The following SPTBN2 variants were observed in gnomAD, a reference collection of about 807,000 sequenced individuals.
SPTBN2 encodes the protein spectrin beta chain, non-erythrocytic 2.
A neutral mutation model predicts 284.2 loss-of-function variants in SPTBN2; 107 were observed. The ratio of observed to expected loss-of-function variants is 0.38; its 90% CI spans 0.32 to 0.44. The LOEUF is 0.44. SPTBN2 is among the 20% of genes least tolerant of loss of function. SPTBN2 has a pLI of 1.00. For missense variants in SPTBN2, 2,569 were observed against 3,287.1 expected, an observed-to-expected ratio of 0.78 and a Z score of 5.34; for synonymous variants, 1,289 against 1,354.8, an observed-to-expected ratio of 0.95 and a Z score of 1.07.
intron 2 of SPTBN2, 22 bp downstream of exon 2, chr11:66,721,328 G>T: frequency 6.4e-7 from 1 of 1,554,936 alleles, no homozygotes; most frequent in South Asian, 1.1e-5. Context: ...CACCACCGGG[G>T]CCTTCTGTCT....
Position 66,700,720 on chromosome 11 carries a change from G to A in SPTBN2, c.3379C>T (p.Leu1127=), listed in dbSNP as rs1205348752. The change falls in exon 17 of 38, where the codon CTG becomes TTG. Residue 1127 remains leucine (L), a synonymous_variant. Transcript: ENST00000533211. This position sits in a 1 kb window ranked among gnomAD's most constrained non-coding sequence, Gnocchi z 6.6. The part of the protein sequence containing the change: ...AQSEYSRLRA[L]GEEVTRDQAD... Reference sequence around the variant, plus strand: ...TGGTCCCGGGTCACCTCCTCGCCCAGGGCTCGCAGCCGGCTATACTCGCTC... The same window carrying A: ...TGGTCCCGGGTCACCTCCTCGCCCAAGGCTCGCAGCCGGCTATACTCGCTC... 1 of 1,604,086 alleles carries A rather than the reference G, an allele frequency of 6.2e-7. No homozygotes were observed. The highest frequency in any genetic ancestry group is 8.5e-7 in the Non-Finnish European group (1 of 1,179,826).
At chr11:66,730,837 AC>A (rs1383240081), upstream of SPTBN2, among the ~76,000 whole-genome samples, 1 of 152,214 alleles carries the variant, frequency 6.6e-6, no homozygotes, top group Non-Finnish European at 1.5e-5. Context: ...CTATTGATGA[AC>A]AGACTGATGT....
chr11:66,737,532 G>A lies in SPTBN2; in HGVS notation c.-475+7010C>T, dbSNP rs148375146. Among the ~76,000 whole-genome samples the A allele has an allele frequency of 4.1e-3, 630 of 152,250 alleles. 4 individuals carry two copies. The highest frequency in any genetic ancestry group is 0.014 in the African/African-American group (595 of 41,524). On this transcript the variant is annotated intron_variant, in intron 1 of 37. Coordinates refer to the SPTBN2 transcript ENST00000611817. ...TCTGGGACCAATGGGTGGAAGACAT[G>A]GGGCAGAGAAAGGGAGTAGACTTTA...
Position 66,694,262 on chromosome 11 carries a change from C to T in SPTBN2, c.4380G>A (p.Glu1460=). ...AQEDQGAGEV[E]RTSRAVEEKF... The stretch of plus-strand genomic sequence containing the variant: ...TCTCCTCCACGGCCCTCGAGGTTCT[C>T]TCCACCTCCCCTGCACCCTGGTCCT... The change falls in exon 22 of 38, where the codon GAG becomes GAA. Residue 1460 remains glutamate (E), a synonymous_variant. Transcript: ENST00000533211. The T allele has an allele frequency of 6.2e-7, 1 of 1,614,226 alleles. No individual in the cohort carries two copies. Among genetic ancestry groups the T allele is most frequent in the Non-Finnish European group, 8.5e-7 (1 of 1,180,032 alleles).
At position 66,700,631 on chromosome 11, in the gene SPTBN2, C is replaced by T. The variant is rs749647878; in HGVS notation, c.3468G>A (p.Glu1156=). 3.0e-5 allele frequency: 48 copies of T among 1,608,110 alleles called. No individual in the cohort carries two copies. The highest frequency in any genetic ancestry group is 6.7e-5 in the Admixed American group (4 of 60,004). The change falls in exon 17 of 38, where the codon GAG becomes GAA. Residue 1156 remains glutamate, a synonymous_variant. Transcript: ENST00000533211. This position sits in a 1 kb window ranked among gnomAD's most constrained non-coding sequence, Gnocchi z 6.6. ...RLEALGTGWE[E]LGRMWESRQG... is the part of the protein sequence containing the mutation. The stretch of plus-strand genomic sequence containing the variant: ...GCCGGCTCTCCCACATTCGGCCCAG[C>T]TCCTCCCAGCCAGTTCCCAGGGCCT...
At chr11:66,727,055 T>A (rs1942642645) in intron 1 of SPTBN2, among the ~76,000 whole-genome samples, 1 of 152,178 alleles carries the variant, frequency 6.6e-6, no homozygotes, top group African/African-American at 2.4e-5. Context: ...AATCCTCCAG[T>A]TATGGCAGAT....
intron 3 of SPTBN2, among the ~76,000 whole-genome samples, chr11:66,720,424 C>T (rs1362236472): frequency 1.3e-5 from 2 of 152,196 alleles, no homozygotes; most frequent in African/African-American, 2.4e-5. Context: ...GTTGCCATGA[C>T]AACTCCTCCC....
intron 18 of SPTBN2, 96 bp from the exon 19 acceptor site, chr11:66,699,178 A>G (rs762652028): frequency 1.5e-5 from 22 of 1,481,582 alleles, no homozygotes; most frequent in Non-Finnish European, 1.9e-5. Context: ...CTAGGGGAAT[A>G]ACGCCTTCCG....
chr11:66,702,222 A>G (rs1051050609), intron 15 of SPTBN2, among the ~76,000 whole-genome samples: 3 of 152,220 alleles, frequency 2.0e-5, no homozygotes, highest in African/African-American at 7.2e-5. Flanking sequence ...GCTGGAGTGT[A>G]GTGGTGCAAT....
Position 66,710,944 on chromosome 11 carries a change from C to T in SPTBN2, c.858G>A (p.Leu286=). ...YYHYFSKMKA[L]AVEGKRIGKV... The stretch of plus-strand genomic sequence containing the variant: ...TGCCAATTCTCTTGCCTTCCACGGC[C>T]AGGGCCTTCATCTTGGAGAAGTAAT... The change falls in exon 9 of 38, where the codon CTG becomes CTA. Residue 286 remains leucine, a synonymous_variant. Coordinates refer to ENST00000533211, the MANE Select transcript of SPTBN2 (RefSeq NM_006946.4). This position sits in a 1 kb window ranked among gnomAD's most constrained non-coding sequence, Gnocchi z 4.9. The T allele has an allele frequency of 6.2e-7, 1 of 1,614,282 alleles. No individual in the cohort carries two copies.
chr11:66,732,734 G>A (rs1323067415), upstream of SPTBN2, among the ~76,000 whole-genome samples: 1 of 151,584 alleles, frequency 6.6e-6, no homozygotes, highest in African/African-American at 2.4e-5. Flanking sequence ...GGGAGGCTGA[G>A]GCAGGTGGAT....
Position 66,713,740 on chromosome 11 carries a change from G to C in SPTBN2, c.663C>G (p.Asp221Glu), listed in dbSNP as rs376657706. The stretch of plus-strand genomic sequence containing the variant: ...TCTTCAGAGACTCAAAATCCAGCAG[G>C]TCTGGCCTGGGTGGGGAGGCAAGAC... The part of the protein sequence containing the change: ...FNAIVHKHRP[D>E]LLDFESLKKC... The change falls in exon 8 of 38, where the codon GAC becomes GAG. Residue 221 changes from aspartate (D) to glutamate (E), a missense_variant. Asp to Glu is a conservative substitution (Grantham distance 45). This residue lies in a region of SPTBN2 where 304 missense variants were observed against 522.1 expected (regional missense o/e 0.58). Coordinates refer to ENST00000533211, the MANE Select transcript of SPTBN2 (RefSeq NM_006946.4). 1 of 1,613,256 alleles carries C rather than the reference G, an allele frequency of 6.2e-7. No homozygotes were observed. The highest frequency in any genetic ancestry group is 1.3e-5 in the African/African-American group (1 of 75,044).
At chr11:66,728,266 CCGGGCGCACGGCGGGCGGCGGG>C (rs1157818886) in intron 1 of SPTBN2, 4 of 145,588 alleles carry the variant, frequency 2.7e-5, no homozygotes, top group South Asian at 2.0e-4. Flanking sequence ...CAGGCAGCGG[CCGGGCGCACGGCGGGCGGCGGG>C]CGGGCGCTGT....
Position 66,707,955 on chromosome 11 carries a change from C to G in SPTBN2, c.1351-137G>C. 1 of 1,378,840 alleles carries G rather than the reference C, an allele frequency of 7.3e-7. No individual in the cohort carries two copies. Among genetic ancestry groups the G allele is most frequent in the Non-Finnish European group, 9.9e-7 (1 of 1,008,488 alleles). 85.4% of individuals were successfully genotyped at this position (1,378,840 alleles called of 1,614,324 possible). A position where few individuals can be genotyped will look rare whatever the true frequency, so the allele number is the denominator to read the frequency against. ...CTAAGTTCCCTCTCTATCCCACCCC[C>G]ATCCTGTCTCACCAACCCTCTCTCC... On this transcript the variant is annotated intron_variant, in intron 12 of 37. Transcript: ENST00000533211. The surrounding 1 kb of genome is among the most constrained non-coding windows in gnomAD (Gnocchi z 4.9).
At chr11:66,725,171 A>G (rs1222523856) in intron 1 of SPTBN2, among the ~76,000 whole-genome samples, 2 of 152,210 alleles carry the variant, frequency 1.3e-5, no homozygotes, top group African/African-American at 4.8e-5. Context: ...TCAGGAACCA[A>G]GCTGGCACTG....
Position 66,691,777 on chromosome 11 carries a change from C to A in SPTBN2, c.5191-119G>T, listed in dbSNP as rs906517978. The A allele has an allele frequency of 3.5e-6, 5 of 1,448,116 alleles. No individual in the cohort carries two copies. Among genetic ancestry groups the A allele is most frequent in the East Asian group, 4.7e-5 (2 of 42,940 alleles). The allele number at this position is 1,448,116 out of a possible 1,614,324, so 89.7% of individuals were successfully genotyped here. A position where few individuals can be genotyped will look rare whatever the true frequency, so the allele number is the denominator to read the frequency against. On this transcript the variant is annotated intron_variant, in intron 26 of 37. Transcript: ENST00000533211. The surrounding 1 kb of genome is among the most constrained non-coding windows in gnomAD (Gnocchi z 8.0). ...CCACCTCTCCCCGCTGCATGGGGGC[C>A]GGGACAGGTTTCTTCCCTGTGGTTA...
chr11:66,684,543 G>C lies in SPTBN2; in HGVS notation c.*1328C>G, dbSNP rs756204683. Among the ~76,000 whole-genome samples the C allele has an allele frequency of 6.6e-6, 1 of 151,928 alleles. No homozygotes were observed. Among genetic ancestry groups the C allele is most frequent in the East Asian group, 1.9e-4 (1 of 5,160 alleles). ...CAGGCTACTCGGGAGGCTGAGGTGG[G>C]AGGATTGCTTGAACCCAGGAGGTGG... is the stretch of plus-strand genomic sequence containing the variant. On this transcript the variant is annotated 3_prime_UTR_variant, in exon 38 of 38. Coordinates refer to ENST00000533211, the MANE Select transcript of SPTBN2 (RefSeq NM_006946.4).
In SPTBN2 at chr11:66,698,998, A is replaced by C; in HGVS notation, c.3861T>G (p.Cys1287Trp). 1 of 1,614,194 alleles carries C rather than the reference A, an allele frequency of 6.2e-7. No individual in the cohort carries two copies. The highest frequency in any genetic ancestry group is 8.5e-7 in the Non-Finnish European group (1 of 1,180,030). The change falls in exon 19 of 38, where the codon TGT becomes TGG. Residue 1287 changes from cysteine to tryptophan, a missense_variant. Cys to Trp is a radical substitution (Grantham distance 215). Transcript: ENST00000533211. ...GGGCCCCAGGGAGCCTCACCTCGTG[A>C]CAATCTTGCAGGAAATGCTGCTGCT... ...NREQQHFLQD[C>W]HELKLWIDEK...
rs901693365 is a variant in SPTBN2 at position 66,691,418 on chromosome 11, G to A, written c.5431C>T (p.Arg1811Cys). The change falls in exon 27 of 38, where the codon CGC (arginine) becomes TGC (cysteine). Residue 1811 changes from arginine to cysteine, a missense_variant. By Grantham distance (180) the Arg-to-Cys change is radical (BLOSUM62 -3). Around this residue, in one of 6 missense-constraint regions of SPTBN2, gnomAD observed 1,130 missense variants for 1,317.3 expected, o/e 0.86. Transcript: ENST00000533211. The surrounding 1 kb of genome is among the most constrained non-coding windows in gnomAD (Gnocchi z 8.0). ...TGCTGCACCCGCGCCAGGGCTTGGC[G>A]TGCCCCGTGCAGGAAGCGCTGCAGC... The part of the protein sequence containing the change: ...YELQRFLHGA[R>C]QALARVQHKQ... 1.3e-5 allele frequency: 21 copies of A among 1,612,114 alleles called. No individual in the cohort carries two copies. Among genetic ancestry groups the A allele is most frequent in the East Asian group, 2.2e-5 (1 of 44,868 alleles).
Sources: allele counts gnomAD v4.1 joint callset (sites outside exome capture counted in the v4.1 genomes callset), GRCh38; gene constraint gnomAD v4.1.1; regional missense constraint gnomAD v4.1.1; non-coding constraint Gnocchi (gnomAD v3.1); transcripts MANE v1.5; gene names NCBI Gene and HGNC (gene_info 2026-07-23, HGNC 2026-07-21).